Variants in DHX38 observed in about 807,000 individuals in gnomAD.
The protein encoded by DHX38 is DEAH-box helicase 38, also known as pre-mRNA-splicing factor ATP-dependent RNA helicase PRP16.
In DHX38, 100 loss-of-function variants were observed where a neutral mutation model predicts 153.1. The observed-to-expected ratio is 0.65, with a 90% CI of 0.56 to 0.77. The LOEUF (loss-of-function observed/expected upper bound fraction) is 0.77, where lower values mean the gene tolerates loss of function less well. Ranked by LOEUF, DHX38 falls within the 30% of genes least tolerant of loss-of-function variation. The pLI, the probability that DHX38 is intolerant of heterozygous loss-of-function variation, is 0.00. For missense variants in DHX38, 1,440 were observed against 1,654.0 expected (o/e 0.87, Z 2.24); for synonymous variants, 650 against 631.7 (o/e 1.03, Z -0.43).
intron 25 of DHX38, 119 bp downstream of exon 25, chr16:72,109,629 G>A (rs1246787916): frequency 1.5e-5 from 14 of 939,138 alleles, no homozygotes; most frequent in Non-Finnish European, 2.1e-5. Flanking sequence ...AAACATAAAG[G>A]CTGTGATCCA....
chr16:72,106,166 G>C, intron 19 of DHX38, 49 bp downstream of exon 19: 5 of 1,580,642 alleles, frequency 3.2e-6, no homozygotes, highest in Non-Finnish European at 4.3e-6. Flanking sequence ...TGGGGTTGCT[G>C]AGCGTGGAGC....
At chr16:72,099,422 T>C (rs1489760739) in intron 7 of DHX38, 142 bp downstream of exon 7, 1 of 793,042 alleles carries the variant, frequency 1.3e-6, no homozygotes, top group African/African-American at 1.7e-5. Context: ...TGCAGAGGCA[T>C]AGACGGCACG....
rs1351630707 is a variant in DHX38 at position 72,100,616 on chromosome 16, C to T, written c.1278+19C>T. 1.2e-6 allele frequency: 2 copies of T among 1,612,484 alleles called. No individual in the cohort carries two copies. Among genetic ancestry groups the T allele is most frequent in the African/African-American group, 2.7e-5 (2 of 74,854 alleles). ...CAAGCAGGTGAGGCTCCTCTGTGGC[C>T]AGGGACAAGACAGCTCAGAGAGACC... On this transcript the variant is annotated intron_variant, in intron 9 of 26. Transcript: ENST00000268482.
At chr16:72,096,781 T>C in intron 2 of DHX38, 41 bp from the exon 3 acceptor site, 1 of 1,569,518 alleles carries the variant, frequency 6.4e-7, no homozygotes, top group Non-Finnish European at 8.6e-7. Flanking sequence ...AGAGTTTTTC[T>C]CCTATGGAGG....
Position 72,097,010 on chromosome 16 carries a change from G to A in DHX38, c.511+1G>A. ...GACTATGACCGCAAGAGGGACAGAG[G>A]TAAACTGTCCAGCACAGTTCCTATT... On this transcript the variant is annotated splice_donor_variant, in intron 3 of 26. Coordinates refer to ENST00000268482, the MANE Select transcript of DHX38 (RefSeq NM_014003.4). LOFTEE classifies it high-confidence loss of function. The A allele has an allele frequency of 1.2e-6, 2 of 1,613,158 alleles. No homozygotes were observed. Among genetic ancestry groups the A allele is most frequent in the Admixed American group, 1.7e-5 (1 of 59,990 alleles).
Position 72,097,728 on chromosome 16 carries a change from CAG to C in DHX38, c.566_567del (p.Glu189AlafsTer2), listed in dbSNP as rs1567603512. ...AGCAGATCAGAGCGAGATGGAGGGT[CAG>C]AGCGTAGCAGCAGAAGAAATGAACC... is the stretch of plus-strand genomic sequence containing the variant. On this transcript the variant is annotated frameshift_variant, in exon 4 of 27. Transcript: ENST00000268482. LOFTEE classifies it high-confidence loss of function. 1 of 1,614,162 alleles carries C rather than the reference CAG, an allele frequency of 6.2e-7. No homozygotes were observed. Among genetic ancestry groups the C allele is most frequent in the East Asian group, 2.2e-5 (1 of 44,888 alleles).
chr16:72,108,659 CA>C (rs1203004624), intron 23 of DHX38, 52 bp downstream of exon 23: 1 of 1,596,284 alleles, frequency 6.3e-7, no homozygotes, highest in South Asian at 1.1e-5. Context: ...TGTATAAGGG[CA>C]AAGTTCTTCC....
chr16:72,105,698 GCCT>G, intron 18 of DHX38, 74 bp downstream of exon 18: 1 of 1,453,882 alleles, frequency 6.9e-7, no homozygotes, highest in South Asian at 1.1e-5. Context: ...GGAAGCCAGG[GCCT>G]CGCTCCTGGC....
In DHX38 at chr16:72,108,333, C is replaced by G; in HGVS notation, c.3071C>G (p.Ser1024Cys). 1 of 1,614,194 alleles carries G rather than the reference C, an allele frequency of 6.2e-7. No individual in the cohort carries two copies. The highest frequency in any genetic ancestry group is 8.5e-7 in the Non-Finnish European group (1 of 1,180,046). ...VYLQWKNNNY[S>C]TIWCNDHFIH... The stretch of plus-strand genomic sequence containing the variant: ...CTGCAGTGGAAGAACAATAATTACT[C>G]CACCATCTGGTGTAACGATCATTTC... The change falls in exon 22 of 27, where the codon TCC becomes TGC. Residue 1024 changes from serine to cysteine, a missense_variant. Physicochemically the swap from Ser to Cys is moderately radical, Grantham distance 112 (BLOSUM62 -1). This residue lies in a region of DHX38 where 543 missense variants were observed against 717.9 expected (regional missense o/e 0.76). Coordinates refer to ENST00000268482, the MANE Select transcript of DHX38 (RefSeq NM_014003.4).
In DHX38 at chr16:72,107,461, C is replaced by T; in HGVS notation, c.2722C>T (p.Gln908Ter). 6.2e-7 allele frequency: 1 copy of T among 1,614,212 alleles called. No individual in the cohort carries two copies. The highest frequency in any genetic ancestry group is 8.5e-7 in the Non-Finnish European group (1 of 1,180,048). Residue 908 changes from glutamine to a stop codon, truncating the protein, a stop_gained, in exon 20 of 27, where the codon CAG (glutamine) becomes TAG (stop). Transcript: ENST00000268482. LOFTEE classifies it high-confidence loss of function. The surrounding 1 kb of genome is among the most constrained non-coding windows in gnomAD (Gnocchi z 5.3). ...GTCCCTCGGGGTGCAGGACCTGCTG[C>T]AGTTCCACTTCATGGACCCGCCCCC... ...LKSLGVQDLL[Q>*]FHFMDPPPED...
rs1567609622 is a variant in DHX38 at position 72,106,025 on chromosome 16, C to G, written c.2508C>G (p.Gly836=). The G allele has an allele frequency of 3.1e-6, 5 of 1,614,088 alleles. No individual in the cohort carries two copies. The Admixed American group carries it at 5.0e-5, about 16-fold the overall frequency. ...CKLKVFNPRI[G]MDALQIYPIS... ...CCTAGGTCTTCAACCCCAGGATTGGCATGGATGCTCTGCAGATCTATCCCA... is the reference window on the plus strand; with the variant it reads ...CCTAGGTCTTCAACCCCAGGATTGGGATGGATGCTCTGCAGATCTATCCCA... Residue 836 remains glycine (G), a synonymous_variant, in exon 19 of 27, where the codon GGC becomes GGG. Coordinates refer to ENST00000268482, the MANE Select transcript of DHX38 (RefSeq NM_014003.4).
rs1190831046 is a variant in DHX38 at position 72,099,293 on chromosome 16, A to C, written c.960+13A>C. 2 of 1,598,184 alleles carry C rather than the reference A, an allele frequency of 1.3e-6. No homozygotes were observed. The highest frequency in any genetic ancestry group is 1.7e-6 in the Non-Finnish European group (2 of 1,172,488). On this transcript the variant is annotated intron_variant, in intron 7 of 26. Transcript: ENST00000268482. The stretch of plus-strand genomic sequence containing the variant: ...AGATGACCAGAGGGTAAAGTTTTAT[A>C]CCTCTGAGGGGCTGATCGGGGCTGG...
rs144391201 is a variant in DHX38, at chr16:72,097,705, C to T, written c.540C>T (p.Ser180=). ...RDERDRSRHS[S]RSERDGGSER... is the part of the protein sequence containing the mutation. ...AGCGGGATAGAAGTAGGCACAGCAG[C>T]AGATCAGAGCGAGATGGAGGGTCAG... The change falls in exon 4 of 27, where the codon AGC becomes AGT. Residue 180 remains serine (S), a synonymous_variant. Coordinates refer to ENST00000268482, the MANE Select transcript of DHX38 (RefSeq NM_014003.4). The T allele has an allele frequency of 6.2e-7, 1 of 1,614,118 alleles. No individual in the cohort carries two copies. The highest frequency in any genetic ancestry group is 8.5e-7 in the Non-Finnish European group (1 of 1,180,000).
chr16:72,096,397 G>A lies in DHX38; in HGVS notation c.240G>A (p.Lys80=). ...DKKKSKVSSY[K]DWEESKDDQK... ...AGAAGTCCAAAGTCTCCTCCTACAA[G>A]GACTGGGAAGAGAGCAAGGATGACC... Residue 80 remains lysine (K), a synonymous_variant, in exon 2 of 27, where the codon AAG becomes AAA. Transcript: ENST00000268482. 6.2e-7 allele frequency: 1 copy of A among 1,614,182 alleles called. No individual in the cohort carries two copies. The highest frequency in any genetic ancestry group is 8.5e-7 in the Non-Finnish European group (1 of 1,180,038).
rs1477442141 is a variant in DHX38 at position 72,104,574 on chromosome 16, C to G, written c.2099C>G (p.Pro700Arg). 1.2e-6 allele frequency: 2 copies of G among 1,614,128 alleles called. No individual in the cohort carries two copies. The highest frequency in any genetic ancestry group is 8.5e-7 in the Non-Finnish European group (1 of 1,179,992). The change falls in exon 15 of 27, where the codon CCC (proline) becomes CGC (arginine). Residue 700 changes from proline to arginine, a missense_variant. By Grantham distance (103) the Pro-to-Arg change is moderately radical (BLOSUM62 -2). Coordinates refer to ENST00000268482, the MANE Select transcript of DHX38 (RefSeq NM_014003.4). The surrounding 1 kb of genome is among the most constrained non-coding windows in gnomAD (Gnocchi z 4.5). ...EKFAAFFGNV[P>R]IFHIPGRTFP... ...TTTGCTGCCTTTTTTGGGAATGTCCCCATCTTCCACATCCCTGGCCGTACC... is the reference window on the plus strand; with the variant it reads ...TTTGCTGCCTTTTTTGGGAATGTCCGCATCTTCCACATCCCTGGCCGTACC...
chr16:72,101,518 G>C lies in DHX38; in HGVS notation c.1405G>C (p.Glu469Gln). The stretch of plus-strand genomic sequence containing the variant: ...TTTTCAGGCTCAGCACAAACACTGG[G>C]AACTGGCGGGGACCAAACTGGGAGA... ...ERKKAQHKHW[E>Q]LAGTKLGDIM... The change falls in exon 11 of 27, where the codon GAA (glutamate) becomes CAA (glutamine). Residue 469 changes from glutamate to glutamine, a missense_variant. Physicochemically the swap from Glu to Gln is conservative, Grantham distance 29. Transcript: ENST00000268482. 6.4e-7 allele frequency: 1 copy of C among 1,552,066 alleles called. No homozygotes were observed. The highest frequency in any genetic ancestry group is 8.7e-7 in the Non-Finnish European group (1 of 1,147,190).
At chr16:72,095,655 A>T (rs768368176) in intron 1 of DHX38, among the ~76,000 whole-genome samples, 70 of 152,220 alleles carry the variant, frequency 4.6e-4, no homozygotes, top group African/African-American at 1.5e-3. Context: ...TAAGGTAAAA[A>T]TTTTTTCCAT....
chr16:72,107,687 T>C lies in DHX38; in HGVS notation c.2852T>C (p.Leu951Pro). ...STGRLMVEFP[L>P]DPALSKMLIV... ...GGGCGGCTGATGGTGGAGTTCCCGC[T>C]GGACCCTGCCCTGTCCAAGATGCTC... The change falls in exon 21 of 27, where the codon CTG (leucine) becomes CCG (proline). Residue 951 changes from leucine (L) to proline (P), a missense_variant. Physicochemically the swap from Leu to Pro is moderately conservative, Grantham distance 98. Transcript: ENST00000268482. This position sits in a 1 kb window ranked among gnomAD's most constrained non-coding sequence, Gnocchi z 5.3. 6.2e-7 allele frequency: 1 copy of C among 1,614,198 alleles called. No homozygotes were observed. The highest frequency in any genetic ancestry group is 8.5e-7 in the Non-Finnish European group (1 of 1,180,046).
At chr16:72,099,156 T>C (rs556545076) in intron 6 of DHX38, 48 bp from the exon 7 acceptor site, 1 of 1,596,108 alleles carries the variant, frequency 6.3e-7, no homozygotes, top group East Asian at 2.3e-5. Flanking sequence ...CTGGGGCCGC[T>C]GGGGACAGGC....
Sources: allele counts gnomAD v4.1 joint callset (sites outside exome capture counted in the v4.1 genomes callset), GRCh38; gene constraint gnomAD v4.1.1; regional missense constraint gnomAD v4.1.1; non-coding constraint Gnocchi (gnomAD v3.1); transcripts MANE v1.5; gene names NCBI Gene and HGNC (gene_info 2026-07-23, HGNC 2026-07-21).